Variants in COL5A2 observed in about 807,000 individuals in gnomAD.
COL5A2 encodes collagen type V alpha 2 chain.
In COL5A2, 23 loss-of-function variants were observed where a neutral mutation model predicts 208.2. The ratio of observed to expected loss-of-function variants is 0.11; its 90% CI spans 0.08 to 0.16. COL5A2 has a LOEUF of 0.16. Ranked by LOEUF, COL5A2 falls within the 10% of genes least tolerant of loss-of-function variation. The pLI, the probability that COL5A2 is intolerant of heterozygous loss-of-function variation, is 1.00. For missense variants in COL5A2, 1,590 were observed against 1,956.4 expected (o/e 0.81, Z 3.53); for synonymous variants, 625 against 628.5 (o/e 0.99, Z 0.08).
intron 33 of COL5A2, 47 bp downstream of exon 33, chr2:189,058,382 A>C (rs1005457666): frequency 3.6e-6 from 5 of 1,389,038 alleles, no homozygotes; most frequent in Non-Finnish European, 5.1e-6. Context: ...TTTATTAAGC[A>C]GTAATTTTAA....
At chr2:189,074,142 C>G (rs1282598870) in intron 17 of COL5A2, among the ~76,000 whole-genome samples, 1 of 152,096 alleles carries the variant, frequency 6.6e-6, no homozygotes, top group Non-Finnish European at 1.5e-5. Flanking sequence ...ATTCTTTAGT[C>G]TTAGCCATCT....
At chr2:189,258,441 A>G in the COL5A2 span, among the ~76,000 whole-genome samples, 1 of 152,240 alleles carries the variant, frequency 6.6e-6, no homozygotes, top group African/African-American at 2.4e-5. Context: ...TTAAATGACC[A>G]GTCTTTTCTG....
chr2:189,246,708 C>A, the COL5A2 span, among the ~76,000 whole-genome samples: 1 of 152,018 alleles, frequency 6.6e-6, no homozygotes, highest in Non-Finnish European at 1.5e-5. Context: ...TAATTGGAGC[C>A]AAATAATGGG....
chr2:189,341,062 A>C, the COL5A2 span, among the ~76,000 whole-genome samples: 8 of 152,232 alleles, frequency 5.3e-5, no homozygotes, highest in African/African-American at 1.9e-4. Flanking sequence ...TCTATCTTCA[A>C]TATAGATGAT....
intron 29 of COL5A2, among the ~76,000 whole-genome samples, 176 bp downstream of exon 29, chr2:189,062,689 C>A (rs1347270759): frequency 6.6e-6 from 1 of 152,012 alleles, no homozygotes; most frequent in Non-Finnish European, 1.5e-5. Context: ...TTTAAAAAGG[C>A]AGAAGACATT....
At chr2:189,347,211 AAAAGT>A in the COL5A2 span, among the ~76,000 whole-genome samples, 3 of 152,188 alleles carry the variant, frequency 2.0e-5, no homozygotes, top group African/African-American at 7.2e-5. Flanking sequence ...GCTTTTTAAG[AAAAGT>A]AAAGGTTAAT....
chr2:189,080,363 TATC>T (rs149287239), intron 13 of COL5A2, among the ~76,000 whole-genome samples: 2,675 of 152,270 alleles, frequency 0.018, 24 homozygotes, highest in Non-Finnish European at 0.02. Context: ...TGTTATAAAA[TATC>T]ATTTGTATTC....
the COL5A2 span, among the ~76,000 whole-genome samples, chr2:189,236,496 G>A: frequency 0.53 from 80,361 of 151,592 alleles, 25,135 homozygotes; most frequent in East Asian, 0.72. Context: ...AATAATTGAT[G>A]AGAGTTCTAG....
chr2:189,307,857 C>T, the COL5A2 span, among the ~76,000 whole-genome samples: 2 of 152,174 alleles, frequency 1.3e-5, no homozygotes. Flanking sequence ...TAGCAGGGCA[C>T]ATCTGCCCAT....
At chr2:189,110,133 C>T in intron 2 of COL5A2, 92 bp downstream of exon 2, 1 of 985,740 alleles carries the variant, frequency 1.0e-6, no homozygotes, top group Non-Finnish European at 1.6e-6. Flanking sequence ...CTTAATTATT[C>T]TCTTGAGTTG....
At chr2:189,191,399 G>A (rs1469894715) in intron 1 of COL5A2, among the ~76,000 whole-genome samples, 1 of 152,112 alleles carries the variant, frequency 6.6e-6, no homozygotes, top group African/African-American at 2.4e-5. Context: ...CCAGCACTTT[G>A]GGAGGCTGAG....
chr2:189,414,776 A>AAAAAAAAAG, the COL5A2 span, among the ~76,000 whole-genome samples: 1 of 133,140 alleles, frequency 7.5e-6, no homozygotes, highest in Non-Finnish European at 1.6e-5. Context: ...AAAAAAAAAA[A>AAAAAAAAAG]GAATGTTTCC....
intron 8 of COL5A2, 113 bp downstream of exon 8, chr2:189,088,582 C>T (rs984738302): frequency 4.3e-5 from 29 of 679,976 alleles, no homozygotes; most frequent in East Asian, 1.4e-4. Flanking sequence ...AATGAATGTA[C>T]GACTGTGTTT....
At chr2:189,248,321 A>G in the COL5A2 span, among the ~76,000 whole-genome samples, 1 of 152,220 alleles carries the variant, frequency 6.6e-6, no homozygotes, top group Non-Finnish European at 1.5e-5. Context: ...AAATTGGAGA[A>G]GAAACAGATG....
chr2:189,382,978 A>C, the COL5A2 span, among the ~76,000 whole-genome samples: 1 of 152,124 alleles, frequency 6.6e-6, no homozygotes. Flanking sequence ...CACAAAGTAT[A>C]TTATCACAAG....
At chr2:189,070,747 G>C (rs544265101) in intron 18 of COL5A2, among the ~76,000 whole-genome samples, 2 of 152,276 alleles carry the variant, frequency 1.3e-5, no homozygotes, top group South Asian at 4.1e-4. Flanking sequence ...AAAGAGGGAA[G>C]GGATTTTGCA....
At chr2:189,150,707 T>C (rs1192897426) in intron 1 of COL5A2, among the ~76,000 whole-genome samples, 2 of 152,188 alleles carry the variant, frequency 1.3e-5, no homozygotes, top group Non-Finnish European at 2.9e-5. Context: ...TCTACTATTT[T>C]CAGATCTTTG....
the COL5A2 span, chr2:189,311,564 TG>T: frequency 2.4e-6 from 3 of 1,258,128 alleles, no homozygotes; most frequent in Non-Finnish European, 3.4e-6. Context: ...CTGGGCGTAG[TG>T]GGCCTCCACC....
chr2:189,118,081 T>C (rs1687430178), intron 1 of COL5A2, among the ~76,000 whole-genome samples: 1 of 152,054 alleles, frequency 6.6e-6, no homozygotes, highest in South Asian at 2.1e-4. Flanking sequence ...CCATATTGAA[T>C]ACAAAATGAT....
Sources: gnomAD v4.1 joint callset for allele counts (sites outside exome capture counted in the v4.1 genomes callset) on GRCh38, gnomAD v4.1.1 for gene constraint, MANE v1.5 for transcripts, NCBI Gene and HGNC (gene_info 2026-07-23, HGNC 2026-07-21) for gene names.